MYH3: variants seen among roughly 807,000 people sequenced by gnomAD.
MYH3 encodes myosin heavy chain 3.
In MYH3, 130 loss-of-function variants were observed where a neutral mutation model predicts 238.0. The ratio of observed to expected loss-of-function variants is 0.55; its 90% CI spans 0.47 to 0.63. The LOEUF is 0.63. MYH3 is among the 30% of genes least tolerant of loss of function. MYH3 has a pLI of 0.00. For synonymous variants in MYH3, 880 were observed against 924.1 expected (o/e 0.95, Z 0.86); for missense variants, 1,853 against 2,374.9 (o/e 0.78, Z 4.57).
chr17:10,628,809 G>GAA, intron 40 of MYH3, 130 bp from the exon 41 acceptor site: 1 of 950,938 alleles, frequency 1.1e-6, no homozygotes, highest in Non-Finnish European at 1.7e-6. Flanking sequence ...TGGACCTTGG[G>GAA]AAAACGCACG....
intron 28 of MYH3, among the ~76,000 whole-genome samples, chr17:10,637,594 CCT>C (rs370901563): frequency 8.5e-5 from 13 of 152,224 alleles, no homozygotes; most frequent in African/African-American, 3.1e-4. Flanking sequence ...CTGGTCTACT[CCT>C]CTTTCTCTCT....
chr17:10,636,946 T>C (rs1213286796), intron 28 of MYH3, among the ~76,000 whole-genome samples: 1 of 152,042 alleles, frequency 6.6e-6, no homozygotes, highest in Non-Finnish European at 1.5e-5. Context: ...CCAAACTTCT[T>C]TTCTTCATTG....
intron 1 of MYH3, among the ~76,000 whole-genome samples, chr17:10,657,067 C>A (rs1227988459): frequency 1.3e-5 from 2 of 152,136 alleles, no homozygotes; most frequent in East Asian, 3.9e-4. Flanking sequence ...ACCTGCAGGG[C>A]TCCTGCTTGG....
chr17:10,644,323 T>C, intron 14 of MYH3, 28 bp downstream of exon 14: 1 of 1,608,034 alleles, frequency 6.2e-7, no homozygotes, highest in Non-Finnish European at 8.5e-7. Flanking sequence ...TGAAGCCATA[T>C]GAAAATATGA....
chr17:10,633,027 T>A (rs939559357), intron 33 of MYH3, among the ~76,000 whole-genome samples: 4 of 152,110 alleles, frequency 2.6e-5, no homozygotes, highest in Non-Finnish European at 5.9e-5. Context: ...GCCTGACCAA[T>A]GTAGTGAAAC....
At chr17:10,674,523 G>A in the MYH3 span, 10 of 223,112 alleles carry the variant, frequency 4.5e-5, 1 homozygote, top group Admixed American at 5.1e-4. Context: ...CCCCAGTGGT[G>A]TGACACTGCC....
the MYH3 span, among the ~76,000 whole-genome samples, chr17:10,663,715 T>A: frequency 6.6e-6 from 1 of 151,836 alleles, no homozygotes; most frequent in Non-Finnish European, 1.5e-5. Flanking sequence ...AACTTTTGAA[T>A]TATGTGCTTG....
At position 10,630,202 on chromosome 17, in the gene MYH3, G is replaced by C; in HGVS notation, c.5458-6C>G. The C allele has an allele frequency of 6.2e-7, 1 of 1,614,182 alleles. No homozygotes were observed. The highest frequency in any genetic ancestry group is 1.3e-5 in the African/African-American group (1 of 75,042). ...TCAAACTCCAGCTCTCGGATCTGGG[G>C]GAGAGGGTGGGGAAATTAGTCTGGG... On this transcript the variant is annotated splice_region_variant and splice_polypyrimidine_tract_variant and intron_variant, in intron 37 of 40. Coordinates refer to ENST00000583535, the MANE Select transcript of MYH3 (RefSeq NM_002470.4).
intron 10 of MYH3, among the ~76,000 whole-genome samples, chr17:10,646,753 A>G (rs1307948421): frequency 2.0e-5 from 3 of 151,092 alleles, no homozygotes; most frequent in Non-Finnish European, 4.4e-5. Flanking sequence ...CATTTCTAAA[A>G]TAAGCTTTTC....
At position 10,645,991 on chromosome 17, in the gene MYH3, T is replaced by A; in HGVS notation, c.940A>T (p.Ile314Phe). 2 of 1,614,056 alleles carry A rather than the reference T, an allele frequency of 1.2e-6. No individual in the cohort carries two copies. The highest frequency in any genetic ancestry group is 1.7e-6 in the Non-Finnish European group (2 of 1,180,004). The change falls in exon 11 of 41, where the codon ATT (isoleucine) becomes TTT (phenylalanine). Residue 314 changes from isoleucine to phenylalanine, a missense_variant. Around this residue, in one of 3 missense-constraint regions of MYH3, gnomAD observed 678 missense variants for 1,058.9 expected, o/e 0.64. Coordinates refer to ENST00000583535, the MANE Select transcript of MYH3 (RefSeq NM_002470.4). ...ITTNPYDYPF[I>F]SQGEILVASI... ...GCCACCAGGATCTCCCCCTGGCTAA[T>A]GAACGGGTAGTCGTAAGGGTTGGTC... is the stretch of plus-strand genomic sequence containing the variant.
In MYH3 at chr17:10,638,058, A is replaced by T; in HGVS notation, c.3714T>A (p.Ser1238Arg). 1 of 1,611,786 alleles carries T rather than the reference A, an allele frequency of 6.2e-7. No homozygotes were observed. Among genetic ancestry groups the T allele is most frequent in the African/African-American group, 1.3e-5 (1 of 74,106 alleles). Residue 1238 changes from serine (S) to arginine (R), a missense_variant, in exon 27 of 41, where the codon AGT becomes AGA. Ser to Arg is a moderately radical substitution (Grantham distance 110, BLOSUM62 -1). Around this residue, in one of 3 missense-constraint regions of MYH3, gnomAD observed 1,044 missense variants for 1,192.6 expected, o/e 0.88. Coordinates refer to ENST00000583535, the MANE Select transcript of MYH3 (RefSeq NM_002470.4). ...CGCGCAGCACCTTAGATTTCGACACACTCTCCATGCTGCTGGAGAGGTCAT... is the reference window on the plus strand; with the variant it reads ...CGCGCAGCACCTTAGATTTCGACACTCTCTCCATGCTGCTGGAGAGGTCAT... The part of the protein sequence containing the change: ...EIDDLSSSME[S>R]VSKSKANLEK...
At chr17:10,636,109 G>C (rs2074213070) in intron 28 of MYH3, among the ~76,000 whole-genome samples, 1 of 151,986 alleles carries the variant, frequency 6.6e-6, no homozygotes, top group Non-Finnish European at 1.5e-5. Flanking sequence ...CAGATCACAA[G>C]GTCAGGAGTT....
chr17:10,634,715 G>C (rs751366212), intron 31 of MYH3, 125 bp downstream of exon 31: 12 of 1,169,078 alleles, frequency 1.0e-5, no homozygotes, highest in Admixed American at 1.8e-5. Context: ...TGAAGTTCAG[G>C]GACTTGCCCA....
At chr17:10,655,124 A>G in intron 2 of MYH3, 52 bp from the exon 3 acceptor site, 1 of 1,451,234 alleles carries the variant, frequency 6.9e-7, no homozygotes, top group Non-Finnish European at 9.7e-7. Context: ...CCAGGCACCC[A>G]GCAGCTCCAG....
In MYH3 at chr17:10,638,318, C is replaced by G; in HGVS notation, c.3454G>C (p.Glu1152Gln). The G allele has an allele frequency of 6.2e-7, 1 of 1,612,702 alleles. No homozygotes were observed. Among genetic ancestry groups the G allele is most frequent in the Non-Finnish European group, 8.5e-7 (1 of 1,179,970 alleles). ...RELEELSERLEEAGGVTSTQI... is the reference protein window; with the variant it reads ...RELEELSERLQEAGGVTSTQI... Reference sequence around the variant, plus strand: ...GTGGAGGTGACGCCTCCCGCCTCCTCCAGCCGCTCGCTCAGCTCCTCCAGC... The same window carrying G: ...GTGGAGGTGACGCCTCCCGCCTCCTGCAGCCGCTCGCTCAGCTCCTCCAGC... Residue 1152 changes from glutamate (E) to glutamine (Q), a missense_variant, in exon 27 of 41, where the codon GAG becomes CAG. Physicochemically the swap from Glu to Gln is conservative, Grantham distance 29. Transcript: ENST00000583535.
intron 4 of MYH3, chr17:10,652,215 C>T: frequency 1.5e-6 from 1 of 683,702 alleles, no homozygotes; most frequent in Admixed American, 2.1e-5. Flanking sequence ...TCTCCGGCTC[C>T]TGGTCCTCCT....
In MYH3 at chr17:10,644,643, A is replaced by G. The variant is rs1177619463; in HGVS notation, c.1201T>C (p.Cys401Arg). Reference protein sequence around the residue: ...LNSSDLLKALCFPRVKVGNEY... With the variant: ...LNSSDLLKALRFPRVKVGNEY... The stretch of plus-strand genomic sequence containing the variant: ...TTCCCAACTTTCACTCTAGGAAAGC[A>G]CAAAGCTTTTAGGAGGTCCGAAGAG... The change falls in exon 13 of 41, where the codon TGC (cysteine) becomes CGC (arginine). Residue 401 changes from cysteine to arginine, a missense_variant. Around this residue, in one of 3 missense-constraint regions of MYH3, gnomAD observed 678 missense variants for 1,058.9 expected, o/e 0.64. Transcript: ENST00000583535. The G allele has an allele frequency of 3.1e-6, 5 of 1,614,174 alleles. No individual in the cohort carries two copies. Among genetic ancestry groups the G allele is most frequent in the Non-Finnish European group, 4.2e-6 (5 of 1,180,038 alleles).
At chr17:10,629,477 A>G in intron 40 of MYH3, 120 bp downstream of exon 40, 1 of 1,353,974 alleles carries the variant, frequency 7.4e-7, no homozygotes. Context: ...GACTTTAAGC[A>G]CTTTCTCTTC....
At chr17:10,647,615 G>A (rs1400794555) in intron 8 of MYH3, among the ~76,000 whole-genome samples, 189 bp from the exon 9 acceptor site, 1 of 152,204 alleles carries the variant, frequency 6.6e-6, no homozygotes, top group African/African-American at 2.4e-5. Flanking sequence ...CGTGATCTCG[G>A]CTCACTGCAA....
Sources: gnomAD v4.1 joint callset for allele counts (sites outside exome capture counted in the v4.1 genomes callset) on GRCh38, gnomAD v4.1.1 for gene constraint, gnomAD v4.1.1 regional missense constraint, MANE v1.5 for transcripts, NCBI Gene and HGNC (gene_info 2026-07-23, HGNC 2026-07-21) for gene names.